SMARCAL1: variants seen among roughly 807,000 people sequenced by gnomAD.
SMARCAL1 encodes SNF2 related chromatin remodeling annealing helicase 1.
A neutral mutation model predicts 94.5 loss-of-function variants in SMARCAL1; 58 were observed. The observed-to-expected ratio is 0.61, with a 90% confidence interval of 0.50 to 0.76. The LOEUF (loss-of-function observed/expected upper bound fraction) is 0.76. SMARCAL1 is among the 30% of genes least tolerant of loss of function. The pLI, the probability that SMARCAL1 is intolerant of heterozygous loss-of-function variation, is 0.00. For missense variants in SMARCAL1, 1,051 were observed against 1,177.9 expected (o/e 0.89, Z 1.58); for synonymous variants, 422 against 455.1 (o/e 0.93, Z 0.93).
At position 216,477,446 on chromosome 2, in the gene SMARCAL1, G is replaced by T. The variant is rs373869362; in HGVS notation, c.2528+237G>T. Reference sequence around the variant, plus strand: ...AATCTTATAGCAATAAGGGGTTGTGGCTCCTTTTGCTGCTGGTCTGAGGCA... The same window carrying T: ...AATCTTATAGCAATAAGGGGTTGTGTCTCCTTTTGCTGCTGGTCTGAGGCA... On this transcript the variant is annotated intron_variant, in intron 16 of 17. Coordinates refer to ENST00000357276, the MANE Select transcript of SMARCAL1 (RefSeq NM_014140.4). Among the ~76,000 whole-genome samples, 9 of 152,292 alleles carry T rather than the reference G, an allele frequency of 5.9e-5. No homozygotes were observed. The East Asian group carries it at 7.7e-4, about 13-fold the overall frequency.
intron 11 of SMARCAL1, among the ~76,000 whole-genome samples, chr2:216,449,383 T>TTTTTTC (rs144769080): frequency 3.5e-4 from 52 of 150,648 alleles, no homozygotes; most frequent in South Asian, 2.3e-3. Flanking sequence ...GCTGCCTTTT[T>TTTTTTC]TTTTTCTTTT....
At chr2:216,463,915 G>T (rs900347983) in intron 12 of SMARCAL1, among the ~76,000 whole-genome samples, 2 of 152,156 alleles carry the variant, frequency 1.3e-5, no homozygotes, top group Non-Finnish European at 2.9e-5. Context: ...GGTGGCACAT[G>T]CCTGTAAGTC....
chr2:216,441,438 T>C (rs987843528), intron 10 of SMARCAL1, among the ~76,000 whole-genome samples: 4 of 152,278 alleles, frequency 2.6e-5, no homozygotes, highest in African/African-American at 9.6e-5. Context: ...AAGTTAAAAT[T>C]ACCTTTAATC....
chr2:216,472,477 C>G (rs1694988973), intron 14 of SMARCAL1, among the ~76,000 whole-genome samples: 1 of 151,902 alleles, frequency 6.6e-6, no homozygotes, highest in African/African-American at 2.4e-5. Context: ...TTTAGTTTTT[C>G]TGTATTTTTG....
chr2:216,421,295 T>C (rs1693714558), intron 5 of SMARCAL1, among the ~76,000 whole-genome samples: 1 of 152,114 alleles, frequency 6.6e-6, no homozygotes, highest in Non-Finnish European at 1.5e-5. Flanking sequence ...AGTTTTGCTG[T>C]ATTTTATTTT....
At chr2:216,423,783 G>T in intron 6 of SMARCAL1, 100 bp downstream of exon 6, 2 of 1,069,640 alleles carry the variant, frequency 1.9e-6, no homozygotes, top group Non-Finnish European at 1.4e-6. Flanking sequence ...TCCTCCCTTT[G>T]CTGTGGTGGG....
intron 9 of SMARCAL1, among the ~76,000 whole-genome samples, 164 bp from the exon 10 acceptor site, chr2:216,438,256 C>T (rs1694119931): frequency 6.6e-6 from 1 of 152,228 alleles, no homozygotes; most frequent in African/African-American, 2.4e-5. Context: ...TGCCACCAGA[C>T]CCCTGGGTCC....
Position 216,420,356 on chromosome 2 carries a change from G to A in SMARCAL1, c.920G>A (p.Gly307Asp), listed in dbSNP as rs1302862134. The change falls in exon 5 of 18, where the codon GGC (glycine) becomes GAC (aspartate). Residue 307 changes from glycine (G) to aspartate (D), a missense_variant. Gly to Asp is a moderately conservative substitution (Grantham distance 94). Transcript: ENST00000357276. Reference protein sequence around the residue: ...VNLQPLEWAYGSSESPSTSSE... With the variant: ...VNLQPLEWAYDSSESPSTSSE... ...CTGCAGCCTCTGGAATGGGCCTATG[G>A]CAGCAGCGAGTCACCCTCCACCAGC... is the stretch of plus-strand genomic sequence containing the variant. 1.2e-6 allele frequency: 2 copies of A among 1,614,160 alleles called. No homozygotes were observed. Among genetic ancestry groups the A allele is most frequent in the Non-Finnish European group, 1.7e-6 (2 of 1,180,038 alleles).
intron 10 of SMARCAL1, among the ~76,000 whole-genome samples, chr2:216,439,668 A>G (rs1381633324): frequency 6.6e-6 from 1 of 152,206 alleles, no homozygotes; most frequent in African/African-American, 2.4e-5. Flanking sequence ...GTGTCCACTC[A>G]TTTCAAGTTT....
rs1202079793 is a variant in SMARCAL1, at chr2:216,450,945, C to G, written c.1951C>G (p.Leu651Val). Residue 651 changes from leucine to valine, a missense_variant, in exon 12 of 18, where the codon CTT (leucine) becomes GTT (valine). Around this residue, in one of 3 missense-constraint regions of SMARCAL1, gnomAD observed 642 missense variants for 754.7 expected, o/e 0.85. Coordinates refer to ENST00000357276, the MANE Select transcript of SMARCAL1 (RefSeq NM_014140.4). ...GCTGCGGCGCCTCAAGTCCGACGTC[C>G]TTTCCCAGCTGCCTGCCAAGCAGCG... ...VMLRRLKSDV[L>V]SQLPAKQRKI... The G allele has an allele frequency of 1.9e-6, 3 of 1,614,234 alleles. No individual in the cohort carries two copies. The South Asian group carries it at 3.3e-5, about 18-fold the overall frequency.
At chr2:216,422,757 T>G (rs189076896) in intron 5 of SMARCAL1, among the ~76,000 whole-genome samples, 113 of 152,332 alleles carry the variant, frequency 7.4e-4, no homozygotes, top group African/African-American at 1.7e-3. Context: ...AGAATGAACT[T>G]TTGCTGCCCA....
chr2:216,459,581 G>T (rs1375738374), intron 12 of SMARCAL1, among the ~76,000 whole-genome samples: 5 of 152,116 alleles, frequency 3.3e-5, no homozygotes, highest in Admixed American at 2.6e-4. Context: ...ACAAGAAATG[G>T]GGAAAGGATT....
intron 13 of SMARCAL1, among the ~76,000 whole-genome samples, chr2:216,467,274 C>T (rs575227853): frequency 6.6e-6 from 1 of 152,176 alleles, no homozygotes; most frequent in Admixed American, 6.5e-5. Flanking sequence ...AGTTTGAGAC[C>T]AGCCTGGCCA....
At chr2:216,444,531 G>C (rs1158917762) in intron 10 of SMARCAL1, among the ~76,000 whole-genome samples, 1 of 150,938 alleles carries the variant, frequency 6.6e-6, no homozygotes, top group East Asian at 1.9e-4. Context: ...TTATTTTTTT[G>C]AGACAGAGTT....
intron 10 of SMARCAL1, among the ~76,000 whole-genome samples, chr2:216,439,199 T>A (rs1694143882): frequency 6.6e-6 from 1 of 152,122 alleles, no homozygotes; most frequent in Non-Finnish European, 1.5e-5. Flanking sequence ...TGATGCAGAT[T>A]CTAGTCTTTA....
At chr2:216,435,241 G>A (rs1694056098) in intron 8 of SMARCAL1, 97 bp from the exon 9 acceptor site, 3 of 1,280,586 alleles carry the variant, frequency 2.3e-6, no homozygotes, top group Middle Eastern at 2.5e-4. Flanking sequence ...GAAGGTAGAG[G>A]TGATGGCTGT....
intron 11 of SMARCAL1, among the ~76,000 whole-genome samples, chr2:216,450,378 C>T (rs1694422162): frequency 6.6e-6 from 1 of 152,196 alleles, no homozygotes; most frequent in African/African-American, 2.4e-5. Flanking sequence ...ATCCATACTG[C>T]AGAACAACAG....
At chr2:216,436,419 G>C (rs111352874) in intron 9 of SMARCAL1, among the ~76,000 whole-genome samples, 4 of 152,190 alleles carry the variant, frequency 2.6e-5, no homozygotes, top group African/African-American at 9.7e-5. Context: ...TGTCAGTACT[G>C]AGTATATTTA....
chr2:216,463,216 G>A (rs575210387), intron 12 of SMARCAL1, among the ~76,000 whole-genome samples: 1 of 152,248 alleles, frequency 6.6e-6, no homozygotes, highest in African/African-American at 2.4e-5. Context: ...CAAGAAGGGG[G>A]GTGCACCTGT....
Sources: gnomAD v4.1 joint callset for allele counts (sites outside exome capture counted in the v4.1 genomes callset) on GRCh38, gnomAD v4.1.1 for gene constraint, gnomAD v4.1.1 regional missense constraint, MANE v1.5 for transcripts, NCBI Gene and HGNC (gene_info 2026-07-23, HGNC 2026-07-21) for gene names.